The following SMIM23 variants were observed in gnomAD, a reference collection of about 807,000 sequenced individuals.
The protein encoded by SMIM23 is small integral membrane protein 23.
Under a neutral mutation model 12.8 loss-of-function variants are expected in SMIM23, and 10 were observed. The observed-to-expected ratio is 0.78, with a 90% CI of 0.48 to 1.32. SMIM23 has a LOEUF of 1.32. Among genes scored for constraint, SMIM23 ranks in the 40% most tolerant of loss-of-function variants. The probability of loss-of-function intolerance (pLI) is 0.00; values close to 1 mark genes in which losing one functional copy is unlikely to be tolerated. For missense variants in SMIM23, 184 were observed against 198.2 expected (o/e 0.93, Z 0.43); for synonymous variants, 78 against 80.1 (o/e 0.97, Z 0.14).
At chr5:171,786,081 A>G (rs1354152449) in intron 1 of SMIM23, 105 bp downstream of exon 1, 7 of 922,712 alleles carry the variant, frequency 7.6e-6, no homozygotes, top group Admixed American at 4.2e-5. Context: ...CTTGGACCCA[A>G]CCGTCCCTGG....
upstream of SMIM23, among the ~76,000 whole-genome samples, chr5:171,779,027 G>A (rs1292491083): frequency 1.3e-5 from 2 of 152,208 alleles, no homozygotes; most frequent in African/African-American, 2.4e-5. Flanking sequence ...CAGGTAGCAA[G>A]CTCCACAGAG....
At chr5:171,776,119 C>T in the SMIM23 span, among the ~76,000 whole-genome samples, 1 of 152,224 alleles carries the variant, frequency 6.6e-6, no homozygotes, top group Non-Finnish European at 1.5e-5. Flanking sequence ...GATCCACCCG[C>T]CTTGGCCTCC....
At chr5:171,788,173 AACACACACACAC>A (rs10566750) in intron 1 of SMIM23, among the ~76,000 whole-genome samples, 1 of 145,678 alleles carries the variant, frequency 6.9e-6, no homozygotes, top group Non-Finnish European at 1.5e-5. Flanking sequence ...CACACACACA[AACACACACACAC>A]ACACACACAC....
chr5:171,774,041 G>A, the SMIM23 span: 1 of 358,930 alleles, frequency 2.8e-6, no homozygotes, highest in African/African-American at 2.1e-5. Flanking sequence ...GTGGCTATGG[G>A]CTTTGTGTCT....
the SMIM23 span, among the ~76,000 whole-genome samples, chr5:171,776,270 G>A: frequency 1.3e-5 from 2 of 151,570 alleles, no homozygotes; most frequent in Non-Finnish European, 2.9e-5. Flanking sequence ...GGGGAGGGGG[G>A]GTTGGGGTGG....
At chr5:171,784,057 C>T (rs1308650831), upstream of SMIM23, among the ~76,000 whole-genome samples, 1 of 151,936 alleles carries the variant, frequency 6.6e-6, no homozygotes, top group African/African-American at 2.4e-5. Context: ...GCCTGGGAAA[C>T]ATAGCAAGAC....
upstream of SMIM23, among the ~76,000 whole-genome samples, chr5:171,781,982 G>A (rs1433639017): frequency 1.3e-5 from 2 of 152,244 alleles, no homozygotes; most frequent in African/African-American, 2.4e-5. Context: ...CCAATCAGCA[G>A]GATGTGGGCG....
At chr5:171,784,716 A>G (rs1179493954), upstream of SMIM23, among the ~76,000 whole-genome samples, 1 of 152,220 alleles carries the variant, frequency 6.6e-6, no homozygotes, top group Admixed American at 6.5e-5. Flanking sequence ...ACGTTTACCC[A>G]AAAACATGTA....
At chr5:171,788,038 T>C (rs762381018) in intron 1 of SMIM23, among the ~76,000 whole-genome samples, 21 of 151,766 alleles carry the variant, frequency 1.4e-4, no homozygotes, top group Non-Finnish European at 1.3e-4. Flanking sequence ...TGTTTAGTAC[T>C]GGGTCTAAAT....
chr5:171,775,673 C>T, the SMIM23 span, among the ~76,000 whole-genome samples: 1 of 152,164 alleles, frequency 6.6e-6, no homozygotes. Flanking sequence ...ATCTGTAAAG[C>T]AGACATGGTT....
chr5:171,785,290 T>C (rs1755793406), upstream of SMIM23, among the ~76,000 whole-genome samples: 1 of 152,200 alleles, frequency 6.6e-6, no homozygotes, highest in African/African-American at 2.4e-5. Flanking sequence ...ACTGTACCAC[T>C]GGGGGAAAAA....
upstream of SMIM23, among the ~76,000 whole-genome samples, chr5:171,785,307 G>A (rs1320137675): frequency 6.6e-6 from 1 of 152,150 alleles, no homozygotes; most frequent in Non-Finnish European, 1.5e-5. Context: ...AAAATTCATA[G>A]AGGGTACACA....
chr5:171,787,239 C>T (rs1755836138), intron 1 of SMIM23, among the ~76,000 whole-genome samples: 1 of 151,936 alleles, frequency 6.6e-6, no homozygotes, highest in South Asian at 2.1e-4. Context: ...AGGCTGGTCT[C>T]GAACTCCTGA....
intron 3 of SMIM23, 116 bp from the exon 4 acceptor site, chr5:171,790,679 C>A: frequency 7.3e-7 from 1 of 1,372,078 alleles, no homozygotes; most frequent in South Asian, 1.3e-5. Context: ...ACAGGTACTA[C>A]GAGCACAATG....
At chr5:171,788,813 T>C (rs758024705) in intron 1 of SMIM23, among the ~76,000 whole-genome samples, 9 of 152,230 alleles carry the variant, frequency 5.9e-5, no homozygotes, top group Non-Finnish European at 1.0e-4. Context: ...CAACAAAATC[T>C]TGATACCAAA....
intron 1 of SMIM23, among the ~76,000 whole-genome samples, chr5:171,786,361 G>T (rs1379241219): frequency 6.6e-6 from 1 of 152,138 alleles, no homozygotes; most frequent in Non-Finnish European, 1.5e-5. Context: ...AACTCATGTG[G>T]GATTTCGTCA....
chr5:171,785,782 G>A, upstream of SMIM23: 1 of 1,015,662 alleles, frequency 9.8e-7, no homozygotes. Flanking sequence ...CTCAATGTTT[G>A]CAGGATGCCT....
At chr5:171,773,903 T>C in the SMIM23 span, 1 of 452,720 alleles carries the variant, frequency 2.2e-6, no homozygotes, top group South Asian at 1.6e-5. Flanking sequence ...TAAAGAGACA[T>C]CCCTGTGGTT....
At chr5:171,776,121 T>G in the SMIM23 span, among the ~76,000 whole-genome samples, 1 of 152,232 alleles carries the variant, frequency 6.6e-6, no homozygotes, top group Non-Finnish European at 1.5e-5. Context: ...TCCACCCGCC[T>G]TGGCCTCCCA....
Sources: allele counts gnomAD v4.1 joint callset (sites outside exome capture counted in the v4.1 genomes callset), GRCh38; gene constraint gnomAD v4.1.1; transcripts MANE v1.5; gene names NCBI Gene and HGNC (gene_info 2026-07-23, HGNC 2026-07-21).